Variants in KIAA1217 observed in about 807,000 individuals in gnomAD.
KIAA1217 encodes the protein KIAA1217, also known as sickle tail protein homolog.
Under a neutral mutation model 163.9 loss-of-function variants are expected in KIAA1217, and 88 were observed. That is an observed-to-expected ratio of 0.54 (90% CI 0.45 to 0.64). The LOEUF is 0.64. Ranked by LOEUF, KIAA1217 falls within the 30% of genes least tolerant of loss-of-function variation. The probability of loss-of-function intolerance (pLI) is 0.00; values close to 1 mark genes in which losing one functional copy is unlikely to be tolerated. For synonymous variants in KIAA1217, 903 were observed against 923.1 expected (o/e 0.98, Z 0.39); for missense variants, 2,372 against 2,475.0 (o/e 0.96, Z 0.88).
At chr10:23,865,722 T>C (rs547363048) in intron 1 of KIAA1217, among the ~76,000 whole-genome samples, 2 of 152,302 alleles carry the variant, frequency 1.3e-5, no homozygotes, top group East Asian at 3.9e-4. Context: ...CTATATAGGA[T>C]GAAGTCCAAT....
At chr10:23,718,121 C>T (rs935972444) in intron 1 of KIAA1217, among the ~76,000 whole-genome samples, 2 of 152,120 alleles carry the variant, frequency 1.3e-5, no homozygotes, top group African/African-American at 2.4e-5. Context: ...AAAGTTATTG[C>T]GGTTTTTGCC....
chr10:24,044,710 T>C (rs1848867708), intron 2 of KIAA1217, among the ~76,000 whole-genome samples: 1 of 152,128 alleles, frequency 6.6e-6, no homozygotes, highest in East Asian at 1.9e-4. Flanking sequence ...ATTCTAAAAG[T>C]TGAAAATCAG....
chr10:23,743,783 A>C (rs1032993453), intron 1 of KIAA1217, among the ~76,000 whole-genome samples: 3 of 152,236 alleles, frequency 2.0e-5, no homozygotes, highest in Non-Finnish European at 4.4e-5. Context: ...AAATATAGCC[A>C]GTAAAATTTG....
At chr10:23,805,327 A>G (rs1836682492) in intron 1 of KIAA1217, among the ~76,000 whole-genome samples, 1 of 152,238 alleles carries the variant, frequency 6.6e-6, no homozygotes, top group African/African-American at 2.4e-5. Flanking sequence ...CACATGTATT[A>G]TGGACTACTG....
At chr10:24,065,533 A>G (rs1245831134) in intron 2 of KIAA1217, among the ~76,000 whole-genome samples, 21 of 152,172 alleles carry the variant, frequency 1.4e-4, no homozygotes, top group Non-Finnish European at 1.2e-4. Flanking sequence ...TCTGTCTTTT[A>G]CATTTACTGA....
intron 2 of KIAA1217, among the ~76,000 whole-genome samples, chr10:24,041,336 A>G (rs776011954): frequency 6.6e-5 from 10 of 152,296 alleles, no homozygotes; most frequent in Non-Finnish European, 1.2e-4. Context: ...TACATGTTCA[A>G]TTGGTGGAAG....
chr10:24,072,927 G>A (rs2061237187), intron 2 of KIAA1217, among the ~76,000 whole-genome samples: 1 of 151,918 alleles, frequency 6.6e-6, no homozygotes, highest in African/African-American at 2.4e-5. Context: ...GCATCATGGT[G>A]CATGCCTGTA....
intron 2 of KIAA1217, among the ~76,000 whole-genome samples, chr10:24,130,919 C>T (rs1385033549): frequency 1.3e-5 from 2 of 152,154 alleles, no homozygotes; most frequent in Non-Finnish European, 2.9e-5. Context: ...GGGCACAAGC[C>T]TCTAACTTTC....
At chr10:24,380,737 A>G (rs1042959493) in intron 2 of KIAA1217, 132 bp from the exon 3 acceptor site, 5 of 571,264 alleles carry the variant, frequency 8.8e-6, no homozygotes, top group African/African-American at 3.8e-5. Context: ...AGTTTTCCCT[A>G]TCTAACCCTT....
At chr10:23,748,461 C>CAAGGAAGGAAGGAAGGAAGGAAGG (rs763422691) in intron 1 of KIAA1217, among the ~76,000 whole-genome samples, 116 of 133,630 alleles carry the variant, frequency 8.7e-4, no homozygotes, top group African/African-American at 2.7e-3. Context: ...AGGAAGGAAG[C>CAAGGAAGGAAGGAAGGAAGGAAGG]AAGGAAGGAA....
chr10:24,196,092 C>T (rs1300670921), intron 2 of KIAA1217, among the ~76,000 whole-genome samples: 1 of 151,730 alleles, frequency 6.6e-6, no homozygotes, highest in Non-Finnish European at 1.5e-5. Flanking sequence ...TATGATTGCA[C>T]CACTGCACTC....
chr10:24,511,297 G>A (rs1268573717), intron 9 of KIAA1217, among the ~76,000 whole-genome samples: 2 of 152,092 alleles, frequency 1.3e-5, no homozygotes, highest in Non-Finnish European at 2.9e-5. Flanking sequence ...AGAATGGGCT[G>A]CAGCCAGAGA....
chr10:23,890,509 A>G (rs1156245992), intron 1 of KIAA1217, among the ~76,000 whole-genome samples: 1 of 151,870 alleles, frequency 6.6e-6, no homozygotes, highest in African/African-American at 2.4e-5. Context: ...TAATCCATGA[A>G]TTATTTAAAA....
intron 1 of KIAA1217, among the ~76,000 whole-genome samples, chr10:23,839,940 G>A (rs1156804868): frequency 6.6e-6 from 1 of 152,088 alleles, no homozygotes; most frequent in Non-Finnish European, 1.5e-5. Flanking sequence ...GGTGGAAATA[G>A]GTGGTAAAGG....
chr10:24,079,057 C>T (rs561686414), intron 2 of KIAA1217, among the ~76,000 whole-genome samples: 4 of 152,154 alleles, frequency 2.6e-5, no homozygotes, highest in African/African-American at 4.8e-5. Context: ...CTGTGGGAGA[C>T]GGCTGCTGGC....
intron 2 of KIAA1217, among the ~76,000 whole-genome samples, chr10:24,106,306 TAA>T (rs537795349): frequency 1.2e-3 from 178 of 152,168 alleles, no homozygotes; most frequent in African/African-American, 4.2e-3. Context: ...CAATGAGATA[TAA>T]GTGATCAGTT....
chr10:23,835,776 T>C (rs1838417531), intron 1 of KIAA1217, among the ~76,000 whole-genome samples: 1 of 152,168 alleles, frequency 6.6e-6, no homozygotes, highest in African/African-American at 2.4e-5. Context: ...ATAGCCAAGT[T>C]GGCGGTGAAA....
At chr10:24,446,458 C>T (rs978317465) in intron 5 of KIAA1217, among the ~76,000 whole-genome samples, 1 of 152,066 alleles carries the variant, frequency 6.6e-6, no homozygotes, top group Non-Finnish European at 1.5e-5. Flanking sequence ...TGTGTGTCTG[C>T]AGTGGCCACT....
At chr10:23,730,728 A>C (rs2130787055) in intron 1 of KIAA1217, among the ~76,000 whole-genome samples, 1 of 152,216 alleles carries the variant, frequency 6.6e-6, no homozygotes, top group East Asian at 1.9e-4. Flanking sequence ...TTTATACCTA[A>C]GTATTTTATT....
Sources: gnomAD v4.1 joint callset for allele counts (sites outside exome capture counted in the v4.1 genomes callset) on GRCh38, gnomAD v4.1.1 for gene constraint, MANE v1.5 for transcripts, NCBI Gene and HGNC (gene_info 2026-07-23, HGNC 2026-07-21) for gene names.